SIAH3: variants seen among roughly 807,000 people sequenced by gnomAD.
SIAH3 encodes the protein seven in absentia homolog 3.
A neutral mutation model predicts 12.6 loss-of-function variants in SIAH3; 9 were observed. The observed-to-expected ratio is 0.72, with a 90% CI of 0.43 to 1.25. The LOEUF is 1.25. Ranked by LOEUF, SIAH3 falls within the 50% of genes most tolerant of loss-of-function variation. SIAH3 has a pLI of 0.00. For missense variants in SIAH3, 390 were observed against 365.4 expected (o/e 1.07, Z -0.55); for synonymous variants, 154 against 151.1 (o/e 1.02, Z -0.14).
At chr13:45,815,240 T>A (rs1426515560) in intron 1 of SIAH3, among the ~76,000 whole-genome samples, 2 of 152,060 alleles carry the variant, frequency 1.3e-5, no homozygotes, top group Non-Finnish European at 2.9e-5. Context: ...AATGTTACTA[T>A]GAAGGTGTTG....
chr13:45,847,033 C>T (rs1439234541), intron 1 of SIAH3, among the ~76,000 whole-genome samples: 2 of 152,226 alleles, frequency 1.3e-5, no homozygotes, highest in Admixed American at 6.5e-5. Context: ...GTGACCACCA[C>T]CAGCTTGGGG....
At chr13:45,813,464 C>T (rs772550602) in intron 1 of SIAH3, among the ~76,000 whole-genome samples, 17 of 152,224 alleles carry the variant, frequency 1.1e-4, no homozygotes, top group Admixed American at 2.0e-4. Context: ...CCCTATTCCC[C>T]AGCATTACAG....
chr13:45,801,143 C>A (rs763002726), intron 1 of SIAH3, among the ~76,000 whole-genome samples: 1 of 151,462 alleles, frequency 6.6e-6, no homozygotes, highest in African/African-American at 2.4e-5. Context: ...TCCGGGAGTT[C>A]GCCAGCGCCT....
intron 1 of SIAH3, among the ~76,000 whole-genome samples, chr13:45,845,980 G>A (rs576027527): frequency 1.7e-4 from 25 of 151,318 alleles, no homozygotes; most frequent in Non-Finnish European, 2.7e-4. Context: ...GCAAGTTTTC[G>A]CTCCCACACC....
At chr13:45,813,987 C>T (rs1950625101) in intron 1 of SIAH3, among the ~76,000 whole-genome samples, 1 of 152,010 alleles carries the variant, frequency 6.6e-6, no homozygotes, top group Admixed American at 6.6e-5. Flanking sequence ...GCCTGTAATC[C>T]CAGTACTTTG....
chr13:45,841,493 GA>G (rs1950739965), intron 1 of SIAH3, among the ~76,000 whole-genome samples: 1 of 152,154 alleles, frequency 6.6e-6, no homozygotes, highest in Admixed American at 6.5e-5. Flanking sequence ...GCCACAGCTG[GA>G]AACAGCCCTG....
intron 1 of SIAH3, among the ~76,000 whole-genome samples, chr13:45,808,877 T>C (rs1950607035): frequency 6.6e-6 from 1 of 152,234 alleles, no homozygotes; most frequent in Non-Finnish European, 1.5e-5. Context: ...GTTATATCTA[T>C]TGCACATCTC....
At chr13:45,837,322 G>T (rs1950721153) in intron 1 of SIAH3, among the ~76,000 whole-genome samples, 1 of 152,160 alleles carries the variant, frequency 6.6e-6, no homozygotes, top group Non-Finnish European at 1.5e-5. Flanking sequence ...ACACGTCAAG[G>T]CTCACTTCCT....
intron 1 of SIAH3, among the ~76,000 whole-genome samples, chr13:45,850,836 T>C (rs1365884468): frequency 6.6e-6 from 1 of 151,758 alleles, no homozygotes; most frequent in Non-Finnish European, 1.5e-5. Context: ...GGTGTCATTA[T>C]TACACAAGCC....
intron 1 of SIAH3, among the ~76,000 whole-genome samples, chr13:45,807,271 G>C (rs934514418): frequency 1.6e-5 from 2 of 127,882 alleles, no homozygotes; most frequent in African/African-American, 5.7e-5. Context: ...AAATACACCA[G>C]AATACTAAAA....
chr13:45,783,002 C>T lies in SIAH3; in HGVS notation c.*381G>A, dbSNP rs1043823104. 6.5e-6 allele frequency: 1 copy of T among 154,238 alleles called. No individual in the cohort carries two copies. Among genetic ancestry groups the T allele is most frequent in the African/African-American group, 2.4e-5 (1 of 41,506 alleles). 9.6% of individuals were successfully genotyped at this position (154,238 alleles called of 1,614,324 possible). A position where few individuals can be genotyped will look rare whatever the true frequency, so the allele number is the denominator to read the frequency against. Reference sequence around the variant, plus strand: ...CTGAAAAGAGAAACAAGAAATGATTCTCACACGAAGCCTCCTTTCAACCCC... The same window carrying T: ...CTGAAAAGAGAAACAAGAAATGATTTTCACACGAAGCCTCCTTTCAACCCC... On this transcript the variant is annotated 3_prime_UTR_variant, in exon 2 of 2. Coordinates refer to ENST00000400405, the MANE Select transcript of SIAH3 (RefSeq NM_198849.3).
intron 1 of SIAH3, among the ~76,000 whole-genome samples, chr13:45,816,110 C>A (rs938136474): frequency 6.6e-5 from 10 of 152,212 alleles, no homozygotes; most frequent in African/African-American, 2.4e-4. Flanking sequence ...CGATTGGAGC[C>A]CAGGCAGCTG....
chr13:45,849,531 G>A (rs954471316), intron 1 of SIAH3, among the ~76,000 whole-genome samples: 17 of 152,158 alleles, frequency 1.1e-4, no homozygotes, highest in African/African-American at 4.1e-4. Flanking sequence ...AGAAAGGGCA[G>A]ATGTTCATCA....
At chr13:45,791,483 C>G (rs1769652423) in intron 1 of SIAH3, among the ~76,000 whole-genome samples, 1 of 152,182 alleles carries the variant, frequency 6.6e-6, no homozygotes, top group Admixed American at 6.6e-5. Context: ...CCTTCCATCT[C>G]AGGTGCTATA....
chr13:45,840,792 T>C (rs1950737292), intron 1 of SIAH3, among the ~76,000 whole-genome samples: 1 of 152,240 alleles, frequency 6.6e-6, no homozygotes, highest in Non-Finnish European at 1.5e-5. Context: ...CTCAGTTGTT[T>C]GTTGTGAAAA....
At chr13:45,831,922 T>C (rs1318765614) in intron 1 of SIAH3, among the ~76,000 whole-genome samples, 1 of 152,170 alleles carries the variant, frequency 6.6e-6, no homozygotes, top group African/African-American at 2.4e-5. Context: ...AAAAGGAACA[T>C]AGGTCCTTGA....
chr13:45,804,985 C>T (rs899427890), intron 1 of SIAH3, among the ~76,000 whole-genome samples: 33 of 150,786 alleles, frequency 2.2e-4, no homozygotes, highest in South Asian at 4.3e-4. Flanking sequence ...CACACACACA[C>T]ACACACACAC....
chr13:45,838,266 T>C (rs1950725890), intron 1 of SIAH3, among the ~76,000 whole-genome samples: 1 of 152,176 alleles, frequency 6.6e-6, no homozygotes. Context: ...GGCCAAGTCT[T>C]TTCAAGGAGT....
rs1055658778 is a variant in SIAH3, at chr13:45,849,358, T to C, written c.135+2137A>G. Among the ~76,000 whole-genome samples, 12 of 152,246 alleles carry C rather than the reference T, an allele frequency of 7.9e-5. No homozygotes were observed. The East Asian group carries it at 2.1e-3, about 27-fold the overall frequency. ...AAAGCATACGTCATCCATTTTTATG[T>C]TGCTGATTATACAATTTCTAAATTG... is the stretch of plus-strand genomic sequence containing the variant. On this transcript the variant is annotated intron_variant, in intron 1 of 1. Transcript: ENST00000400405.
Sources: allele counts gnomAD v4.1 joint callset (sites outside exome capture counted in the v4.1 genomes callset), GRCh38; gene constraint gnomAD v4.1.1; transcripts MANE v1.5; gene names NCBI Gene and HGNC (gene_info 2026-07-23, HGNC 2026-07-21).